The following KCNIP1 variants were observed in gnomAD, a reference collection of about 807,000 sequenced individuals.
The protein encoded by KCNIP1 is A-type potassium channel modulatory protein KCNIP1.
KCNIP1 carries 18 observed loss-of-function variants against 33.0 expected under a neutral mutation model. That is an observed-to-expected ratio of 0.55 (90% CI 0.38 to 0.81). The LOEUF is 0.81. KCNIP1 is among the 30% of genes least tolerant of loss of function. The probability of loss-of-function intolerance (pLI) is 0.00; values close to 1 mark genes in which losing one functional copy is unlikely to be tolerated. For synonymous variants in KCNIP1, 93 were observed against 98.3 expected, an observed-to-expected ratio of 0.95 and a Z score of 0.32; for missense variants, 238 against 271.6, an observed-to-expected ratio of 0.88 and a Z score of 0.87.
chr5:170,484,306 C>A (rs1216870450), intron 1 of KCNIP1: 1 of 152,300 alleles, frequency 6.6e-6, no homozygotes, highest in African/African-American at 2.4e-5. Flanking sequence ...GCACGTGTTC[C>A]TCGGGGGCGG....
intron 1 of KCNIP1, among the ~76,000 whole-genome samples, chr5:170,390,363 G>A (rs563447584): frequency 2.4e-4 from 36 of 151,112 alleles, no homozygotes; most frequent in African/African-American, 6.8e-4. Context: ...AAAATTAGTC[G>A]GGCATAGTGG....
Position 170,736,114 on chromosome 5 carries a change from T to C in KCNIP1, c.*308T>C, listed in dbSNP as rs201460873. 4.9e-4 allele frequency: 166 copies of C among 340,306 alleles called. 1 individual carries two copies. The East Asian group carries it at 8.0e-3, about 16-fold the overall frequency. The allele number at this position is 340,306 out of a possible 1,614,324, so 21.1% of individuals were successfully genotyped here. A position where few individuals can be genotyped will look rare whatever the true frequency, so the allele number is the denominator to read the frequency against. On this transcript the variant is annotated 3_prime_UTR_variant, in exon 8 of 8. Coordinates refer to ENST00000328939, the MANE Select transcript of KCNIP1 (RefSeq NM_014592.4). ...GGTCCCTCTGCTTAAGCTTAAACAG[T>C]AGTGCACAAAATATGCTGCTTACGT...
At chr5:170,393,209 T>C (rs1221589442) in intron 1 of KCNIP1, among the ~76,000 whole-genome samples, 2 of 152,222 alleles carry the variant, frequency 1.3e-5, no homozygotes, top group South Asian at 2.1e-4. Flanking sequence ...TTCTTCATGA[T>C]GTCTGCTTCC....
chr5:170,581,718 A>G (rs1419813689), intron 1 of KCNIP1, among the ~76,000 whole-genome samples: 8 of 152,242 alleles, frequency 5.3e-5, no homozygotes, highest in South Asian at 2.1e-4. Flanking sequence ...TCAAGGATCC[A>G]TCTTTGATGG....
intron 1 of KCNIP1, among the ~76,000 whole-genome samples, chr5:170,368,092 T>A (rs1763743247): frequency 6.6e-6 from 1 of 152,136 alleles, no homozygotes; most frequent in Non-Finnish European, 1.5e-5. Context: ...ATGCTATTGA[T>A]ATCGTATCAA....
chr5:170,547,039 G>T (rs1321842431), intron 1 of KCNIP1, among the ~76,000 whole-genome samples: 7 of 152,054 alleles, frequency 4.6e-5, no homozygotes, highest in Non-Finnish European at 8.8e-5. Flanking sequence ...ATTTACAGTT[G>T]GTCAATTGTT....
At chr5:170,353,686 C>A in exon 1 of KCNIP1, 1 of 611,296 alleles carries the variant, frequency 1.6e-6, no homozygotes, top group Non-Finnish European at 2.9e-6. Flanking sequence ...AGAGTTTGCC[C>A]TGCAGGCTCT....
chr5:170,603,991 G>A (rs1758799436), intron 1 of KCNIP1, among the ~76,000 whole-genome samples: 2 of 152,176 alleles, frequency 1.3e-5, no homozygotes, highest in African/African-American at 4.8e-5. Context: ...TGGGGTACAG[G>A]TGAAGTTTCT....
intron 1 of KCNIP1, among the ~76,000 whole-genome samples, chr5:170,641,551 T>G (rs1760559658): frequency 6.6e-6 from 1 of 152,202 alleles, no homozygotes; most frequent in Non-Finnish European, 1.5e-5. Context: ...CACAATTGAT[T>G]CATTGCCTCT....
At chr5:170,578,610 G>T (rs1488209084) in intron 1 of KCNIP1, among the ~76,000 whole-genome samples, 2 of 152,162 alleles carry the variant, frequency 1.3e-5, no homozygotes, top group Non-Finnish European at 2.9e-5. Flanking sequence ...GTGGCATTGG[G>T]AAAAGTGGTG....
intron 1 of KCNIP1, among the ~76,000 whole-genome samples, chr5:170,533,036 CT>C (rs1217388299): frequency 3.9e-5 from 6 of 152,148 alleles, no homozygotes; most frequent in Non-Finnish European, 8.8e-5. Context: ...AATTGAAAAC[CT>C]TTTCTCTCAC....
At chr5:170,716,576 A>G (rs1763651498) in intron 1 of KCNIP1, among the ~76,000 whole-genome samples, 1 of 152,224 alleles carries the variant, frequency 6.6e-6, no homozygotes, top group Admixed American at 6.5e-5. Context: ...GTATCCAAAT[A>G]TGCAGATACT....
Position 170,537,634 on chromosome 5 carries a change from G to A in KCNIP1, c.61+33001G>A, listed in dbSNP as rs376261786. 2.3e-4 allele frequency among the ~76,000 whole-genome samples: 35 copies of A among 152,334 alleles called. 2 individuals carry two copies. Among genetic ancestry groups the A allele is most frequent in the African/African-American group, 8.4e-4 (35 of 41,568 alleles). On this transcript the variant is annotated intron_variant, in intron 1 of 7. Transcript: ENST00000328939. ...GACTTCAGCTGTTCATGACACAGGC[G>A]GAGACTGCGGGCAGGAGGAGAGTGA...
At chr5:170,510,033 T>G (rs1484444916) in intron 1 of KCNIP1, among the ~76,000 whole-genome samples, 1 of 152,208 alleles carries the variant, frequency 6.6e-6, no homozygotes, top group Non-Finnish European at 1.5e-5. Context: ...TCAGCATTGC[T>G]TCCCTGCCTA....
chr5:170,356,450 G>A (rs976378562), intron 1 of KCNIP1, among the ~76,000 whole-genome samples: 2 of 152,158 alleles, frequency 1.3e-5, no homozygotes, highest in African/African-American at 4.8e-5. Flanking sequence ...GCCACCTCCT[G>A]CCATGCCAGA....
intron 1 of KCNIP1, among the ~76,000 whole-genome samples, chr5:170,712,605 G>A (rs1243426595): frequency 6.6e-6 from 1 of 152,232 alleles, no homozygotes; most frequent in African/African-American, 2.4e-5. Context: ...TGACTGCATG[G>A]CTGAGGGCAT....
In KCNIP1 at chr5:170,718,200, G is replaced by T. The variant is rs912916218; in HGVS notation, c.62-558G>T. On this transcript the variant is annotated intron_variant, in intron 1 of 7. Coordinates refer to ENST00000328939, the MANE Select transcript of KCNIP1 (RefSeq NM_014592.4). The stretch of plus-strand genomic sequence containing the variant: ...TTAAGATATTTTCCTAGTATTTAAG[G>T]CTATCTAGTAGACATTACAAAACAA... 6.6e-5 allele frequency among the ~76,000 whole-genome samples: 10 copies of T among 152,146 alleles called. 1 individual carries two copies. Among genetic ancestry groups the T allele is most frequent in the Admixed American group, 6.5e-4 (10 of 15,290 alleles).
At chr5:170,376,703 CT>C (rs1319183918) in intron 1 of KCNIP1, 4 of 152,176 alleles carry the variant, frequency 2.6e-5, no homozygotes, top group Admixed American at 6.5e-5. Context: ...ACATGATCTC[CT>C]TCCTTTTTAT....
At chr5:170,687,240 G>C (rs1762569868) in intron 1 of KCNIP1, among the ~76,000 whole-genome samples, 1 of 150,828 alleles carries the variant, frequency 6.6e-6, no homozygotes, top group Admixed American at 6.6e-5. Context: ...AGAGTACAGT[G>C]GCATGATTTC....
Sources: allele counts gnomAD v4.1 joint callset (sites outside exome capture counted in the v4.1 genomes callset), GRCh38; gene constraint gnomAD v4.1.1; transcripts MANE v1.5; gene names NCBI Gene and HGNC (gene_info 2026-07-23, HGNC 2026-07-21).